The following IFFO2 variants were observed in gnomAD, a reference collection of about 807,000 sequenced individuals.
IFFO2 encodes the protein intermediate filament family orphan 2.
In IFFO2, 19 loss-of-function variants were observed where a neutral mutation model predicts 53.5. The observed-to-expected ratio is 0.36, with a 90% CI of 0.25 to 0.52. The LOEUF is 0.52. IFFO2 is among the 20% of genes least tolerant of loss of function. The pLI, the probability that IFFO2 is intolerant of heterozygous loss-of-function variation, is 0.94. For missense variants in IFFO2, 570 were observed against 727.4 expected, an observed-to-expected ratio of 0.78 and a Z score of 2.49; for synonymous variants, 303 against 313.6, an observed-to-expected ratio of 0.97 and a Z score of 0.36.
chr1:18,911,950 G>A lies in IFFO2; in HGVS notation c.1224+13C>T, dbSNP rs1253677362. The A allele has an allele frequency of 6.4e-7, 1 of 1,551,520 alleles. No individual in the cohort carries two copies. The highest frequency in any genetic ancestry group is 1.2e-5 in the South Asian group (1 of 84,062). On this transcript the variant is annotated intron_variant, in intron 6 of 8. Coordinates refer to ENST00000455833, the MANE Select transcript of IFFO2 (RefSeq NM_001136265.2). ...CTAGTCCTGGCCTTTGGGAAGCCAG[G>A]CGCTGGGCTTACCTCGCCCTGCAGG...
chr1:18,930,674 A>G (rs1348374240), intron 1 of IFFO2, among the ~76,000 whole-genome samples: 3 of 152,136 alleles, frequency 2.0e-5, no homozygotes, highest in Non-Finnish European at 4.4e-5. Flanking sequence ...GCACCTTCCA[A>G]CACACACAAG....
In IFFO2 at chr1:18,910,220, C is replaced by T. The variant is rs923473776; in HGVS notation, c.1448+122G>A. On this transcript the variant is annotated intron_variant, in intron 8 of 8. Transcript: ENST00000455833. ...ATGGATGGATGGATGGATGGACGGA[C>T]GGACGGACAGATGGACGGACAGAGA... The T allele has an allele frequency of 1.1e-4, 125 of 1,127,350 alleles. No homozygotes were observed. In the African/African-American group the frequency reaches 1.3e-3, roughly 12 times the overall value. 69.8% of individuals were successfully genotyped at this position (1,127,350 alleles called of 1,614,324 possible).
chr1:18,918,030 C>T lies in IFFO2; in HGVS notation c.963+332G>A, dbSNP rs528539535. ...GGCACCCAGAGGAAGGGGCAGGAAG[C>T]GGGACAATGGGTACAGTGTGGGCTG... On this transcript the variant is annotated intron_variant, in intron 4 of 8. Transcript: ENST00000455833. This position sits in a 1 kb window ranked among gnomAD's most constrained non-coding sequence, Gnocchi z 5.2. Among the ~76,000 whole-genome samples the T allele has an allele frequency of 1.3e-5, 2 of 152,308 alleles. No homozygotes were observed. Among genetic ancestry groups the T allele is most frequent in the Admixed American group, 6.5e-5 (1 of 15,300 alleles).
intron 2 of IFFO2, 118 bp downstream of exon 2, chr1:18,920,943 A>C (rs149855693): frequency 6.1e-4 from 487 of 795,370 alleles, no homozygotes; most frequent in Non-Finnish European, 9.4e-4. Flanking sequence ...AGGTGGTAGG[A>C]GGTAACAGAG....
Position 18,911,848 on chromosome 1 carries a change from C to G in IFFO2, c.1224+115G>C, listed in dbSNP as rs565549710. The G allele has an allele frequency of 3.6e-5, 49 of 1,343,880 alleles. No individual in the cohort carries two copies. The South Asian group carries it at 6.4e-4, about 17-fold the overall frequency. The allele number at this position is 1,343,880 out of a possible 1,614,324, so 83.2% of individuals were successfully genotyped here. A position where few individuals can be genotyped will look rare whatever the true frequency, so the allele number is the denominator to read the frequency against. On this transcript the variant is annotated intron_variant, in intron 6 of 8. Coordinates refer to ENST00000455833, the MANE Select transcript of IFFO2 (RefSeq NM_001136265.2). ...GCCACTGCGCCTGGCCCAAAGGGGA[C>G]AGTTTAGCTGTGTGGTGGGGGCTGT...
At chr1:18,944,971 G>A (rs1245447580) in intron 1 of IFFO2, among the ~76,000 whole-genome samples, 1 of 152,214 alleles carries the variant, frequency 6.6e-6, no homozygotes, top group Non-Finnish European at 1.5e-5. Context: ...GCAAGCACAG[G>A]ACAGGCCAAG....
At chr1:18,924,127 G>A (rs902461260) in intron 1 of IFFO2, among the ~76,000 whole-genome samples, 2 of 152,228 alleles carry the variant, frequency 1.3e-5, no homozygotes, top group African/African-American at 2.4e-5. Flanking sequence ...CCCTCCCGGC[G>A]GTGGTGGAGA....
In IFFO2 at chr1:18,912,159, C is replaced by A. The variant is rs1282216119; in HGVS notation, c.1104-76G>T. 8 of 1,525,258 alleles carry A rather than the reference C, an allele frequency of 5.2e-6. No homozygotes were observed. The African/African-American group carries it at 5.5e-5, about 11-fold the overall frequency. The allele number at this position is 1,525,258 out of a possible 1,614,324, so 94.5% of individuals were successfully genotyped here. ...GACCCATACAGGGGACAGAAAGGGG[C>A]AGCTGCCCAGCAGGTACACAGCTTC... is the stretch of plus-strand genomic sequence containing the variant. On this transcript the variant is annotated intron_variant, in intron 5 of 8. Transcript: ENST00000455833.
intron 8 of IFFO2, among the ~76,000 whole-genome samples, chr1:18,910,069 C>T (rs1936011291): frequency 6.6e-6 from 1 of 152,212 alleles, no homozygotes; most frequent in Admixed American, 6.5e-5. Context: ...GCCCCACCGT[C>T]TTGCACAGAG....
Position 18,918,648 on chromosome 1 carries a change from G to T in IFFO2, c.823-146C>A. On this transcript the variant is annotated intron_variant, in intron 3 of 8. Transcript: ENST00000455833. This position sits in a 1 kb window ranked among gnomAD's most constrained non-coding sequence, Gnocchi z 5.2. ...CGAGGGTGCCTTGGGCTTTTCCGTG[G>T]AGTGGAGGGCTGCGGCGGCACTGGT... 1 of 694,074 alleles carries T rather than the reference G, an allele frequency of 1.4e-6. No homozygotes were observed. Among genetic ancestry groups the T allele is most frequent in the Non-Finnish European group, 2.4e-6 (1 of 421,778 alleles). 43.0% of individuals were successfully genotyped at this position (694,074 alleles called of 1,614,324 possible).
chr1:18,918,604 C>A lies in IFFO2; in HGVS notation c.823-102G>T. On this transcript the variant is annotated intron_variant, in intron 3 of 8. Coordinates refer to ENST00000455833, the MANE Select transcript of IFFO2 (RefSeq NM_001136265.2). This position sits in a 1 kb window ranked among gnomAD's most constrained non-coding sequence, Gnocchi z 5.2. ...CCCCTAGGTGTCAGCAGGGGTGGTG[C>A]GGGGAGGCCTCCAGAGTCCGAGGGT... 2 of 1,050,340 alleles carry A rather than the reference C, an allele frequency of 1.9e-6. No homozygotes were observed. Among genetic ancestry groups the A allele is most frequent in the South Asian group, 1.5e-5 (1 of 67,358 alleles). 65.1% of individuals were successfully genotyped at this position (1,050,340 alleles called of 1,614,324 possible).
rs1215335257 is a variant in IFFO2, at chr1:18,936,205, G to GC, written c.666-15085dup. Among the ~76,000 whole-genome samples the GC allele has an allele frequency of 2.0e-5, 3 of 152,140 alleles. No individual in the cohort carries two copies. Among genetic ancestry groups the GC allele is most frequent in the Non-Finnish European group, 4.4e-5 (3 of 68,024 alleles). On this transcript the variant is annotated intron_variant, in intron 1 of 8. Transcript: ENST00000455833. This position sits in a 1 kb window ranked among gnomAD's most constrained non-coding sequence, Gnocchi z 4.5. ...CGCCTTAGATATGGCCACCCTGCCA[G>GC]CCCCTCCCTGCCAGCCTCAGTTTCC...
chr1:18,905,013 C>T lies in IFFO2; in HGVS notation c.*3548G>A, dbSNP rs1483645067. The T allele has an allele frequency of 6.6e-6, 1 of 152,280 alleles. No individual in the cohort carries two copies. The highest frequency in any genetic ancestry group is 2.4e-5 in the African/African-American group (1 of 41,446). The allele number at this position is 152,280 out of a possible 1,614,324, so 9.4% of individuals were successfully genotyped here. A position where few individuals can be genotyped will look rare whatever the true frequency, so the allele number is the denominator to read the frequency against. ...ATGCTCTGCTGCCTCCCAACCCTCT[C>T]CCAACGCAACTGGGTTGGAAATGGA... On this transcript the variant is annotated 3_prime_UTR_variant, in exon 9 of 9. Coordinates refer to ENST00000455833, the MANE Select transcript of IFFO2 (RefSeq NM_001136265.2).
chr1:18,932,736 C>T (rs1936395641), intron 1 of IFFO2, among the ~76,000 whole-genome samples: 1 of 152,238 alleles, frequency 6.6e-6, no homozygotes, highest in Non-Finnish European at 1.5e-5. Context: ...AGGGCAGTTC[C>T]TCTGTGTAGA....
chr1:18,955,769 G>C lies in IFFO2; in HGVS notation c.564C>G (p.Pro188=). 1.3e-6 allele frequency: 2 copies of C among 1,560,760 alleles called. No homozygotes were observed. Among genetic ancestry groups the C allele is most frequent in the Non-Finnish European group, 1.7e-6 (2 of 1,159,118 alleles). The change falls in exon 1 of 9, where the codon CCC becomes CCG. Residue 188 remains proline (P), a synonymous_variant. Transcript: ENST00000455833. ...TGTCGATCTGCACGCCCACGCCGTC[G>C]GGGTGCACCCACGACACGCCGGGGC... The part of the protein sequence containing the change: ...VQGPGVSWVH[P]DGVGVQIDTI...
At chr1:18,934,035 G>GAATAGC (rs1936413365) in intron 1 of IFFO2, among the ~76,000 whole-genome samples, 1 of 133,144 alleles carries the variant, frequency 7.5e-6, no homozygotes, top group Non-Finnish European at 1.6e-5. Context: ...GTCCTTCTGT[G>GAATAGC]AATAGCTTAT....
rs1019741646 is a variant in IFFO2 at position 18,908,512 on chromosome 1, G to A, written c.*49C>T. The A allele has an allele frequency of 4.4e-6, 6 of 1,365,000 alleles. No individual in the cohort carries two copies. In the East Asian group the frequency reaches 1.0e-4, roughly 23 times the overall value. 84.6% of individuals were successfully genotyped at this position (1,365,000 alleles called of 1,614,324 possible). A position where few individuals can be genotyped will look rare whatever the true frequency, so the allele number is the denominator to read the frequency against. ...GGCCTTCCTGGCCCCATGAGGAGAG[G>A]TGGCAGGGCCCCATCACCAAGACCA... On this transcript the variant is annotated 3_prime_UTR_variant, in exon 9 of 9. Coordinates refer to ENST00000455833, the MANE Select transcript of IFFO2 (RefSeq NM_001136265.2).
rs1407660107 is a variant in IFFO2, at chr1:18,910,571, C to T, written c.1318-99G>A. 2.2e-6 allele frequency: 3 copies of T among 1,383,150 alleles called. No homozygotes were observed. In the Admixed American group the frequency reaches 6.0e-5, roughly 28 times the overall value. 85.7% of individuals were successfully genotyped at this position (1,383,150 alleles called of 1,614,324 possible). A position where few individuals can be genotyped will look rare whatever the true frequency, so the allele number is the denominator to read the frequency against. ...CTGGATTCCTCAGGGATGGTGCCAT[C>T]AAGGCCACCATTGGACACCATGCCA... On this transcript the variant is annotated intron_variant, in intron 7 of 8. Coordinates refer to ENST00000455833, the MANE Select transcript of IFFO2 (RefSeq NM_001136265.2).
intron 6 of IFFO2, 110 bp downstream of exon 6, chr1:18,911,853 T>C (rs1936045605): frequency 7.2e-6 from 10 of 1,382,416 alleles, no homozygotes; most frequent in African/African-American, 2.9e-5. Flanking sequence ...GGGGACAGTT[T>C]AGCTGTGTGG....
Sources: gnomAD v4.1 joint callset for allele counts (sites outside exome capture counted in the v4.1 genomes callset) on GRCh38, gnomAD v4.1.1 for gene constraint, Gnocchi (gnomAD v3.1) non-coding constraint, MANE v1.5 for transcripts, NCBI Gene and HGNC (gene_info 2026-07-23, HGNC 2026-07-21) for gene names.